The following SLC9B2 variants were observed in gnomAD, a reference collection of about 807,000 sequenced individuals.
The protein encoded by SLC9B2 is sodium/hydrogen exchanger 9B2.
Under a neutral mutation model 52.2 loss-of-function variants are expected in SLC9B2, and 39 were observed. The ratio of observed to expected loss-of-function variants is 0.75; its 90% confidence interval spans 0.58 to 0.98. SLC9B2 has a LOEUF of 0.98. Among genes scored for constraint, SLC9B2 ranks in the 50% least tolerant of loss-of-function variants. The pLI is 0.00. For missense variants in SLC9B2, 626 were observed against 637.5 expected, an observed-to-expected ratio of 0.98 and a Z score of 0.19; for synonymous variants, 214 against 227.0, an observed-to-expected ratio of 0.94 and a Z score of 0.51.
At chr4:103,030,503 T>C (rs1350722158) in intron 10 of SLC9B2, among the ~76,000 whole-genome samples, 2 of 151,914 alleles carry the variant, frequency 1.3e-5, no homozygotes, top group African/African-American at 4.8e-5. Context: ...GGTTGTGTGA[T>C]AGGCAGAAGC....
chr4:103,064,498 GA>G (rs1331828893), intron 3 of SLC9B2, among the ~76,000 whole-genome samples: 1 of 152,146 alleles, frequency 6.6e-6, no homozygotes, highest in African/African-American at 2.4e-5. Flanking sequence ...CTGGGGAGGG[GA>G]GGAGCTTGGG....
At chr4:103,072,273 G>T (rs1033833981) in intron 1 of SLC9B2, among the ~76,000 whole-genome samples, 1 of 151,946 alleles carries the variant, frequency 6.6e-6, no homozygotes, top group Non-Finnish European at 1.5e-5. Flanking sequence ...TGGCCAGGCT[G>T]GTCTCAAACT....
chr4:103,072,380 A>T (rs1441605974), intron 1 of SLC9B2, among the ~76,000 whole-genome samples: 1 of 152,158 alleles, frequency 6.6e-6, no homozygotes. Flanking sequence ...CTTTATGTCA[A>T]ATATCTTTCA....
At chr4:103,069,067 T>C (rs1215212770) in intron 1 of SLC9B2, among the ~76,000 whole-genome samples, 1 of 152,214 alleles carries the variant, frequency 6.6e-6, no homozygotes, top group Non-Finnish European at 1.5e-5. Flanking sequence ...TAAATGTTTA[T>C]ATAATGATAT....
At chr4:103,020,131 A>G (rs921909471), downstream of SLC9B2, 85 of 253,954 alleles carry the variant, frequency 3.3e-4, 1 homozygote, top group African/African-American at 1.9e-3. Flanking sequence ...TTGTCTTCTC[A>G]TCTGTAAAGG....
At chr4:103,035,015 G>A (rs139014616) in intron 9 of SLC9B2, among the ~76,000 whole-genome samples, 1,855 of 152,242 alleles carry the variant, frequency 0.012, 15 homozygotes, top group Non-Finnish European at 0.019. Flanking sequence ...AGGGGCACAT[G>A]TGCAGGTTTG....
chr4:103,065,943 CTG>C (rs774769124), intron 3 of SLC9B2, among the ~76,000 whole-genome samples: 21 of 152,208 alleles, frequency 1.4e-4, no homozygotes, highest in Admixed American at 2.6e-4. Context: ...ATAAATGGGG[CTG>C]TGTTTGCTAA....
intron 3 of SLC9B2, 101 bp from the exon 4 acceptor site, chr4:103,058,072 G>T: frequency 9.1e-7 from 1 of 1,095,418 alleles, no homozygotes. Context: ...GAATGAAAAT[G>T]CAAATATTTA....
chr4:103,070,209 C>A (rs1467455074), intron 1 of SLC9B2, among the ~76,000 whole-genome samples: 3 of 152,230 alleles, frequency 2.0e-5, no homozygotes, highest in African/African-American at 7.2e-5. Context: ...ATGCATGTCT[C>A]ACTTCAGGAA....
At chr4:103,067,021 C>T (rs1441266969) in intron 2 of SLC9B2, among the ~76,000 whole-genome samples, 5 of 151,196 alleles carry the variant, frequency 3.3e-5, no homozygotes, top group African/African-American at 1.2e-4. Context: ...CACTTATAGT[C>T]CCAAGCATTT....
At chr4:103,030,609 T>C (rs1021906534) in intron 10 of SLC9B2, among the ~76,000 whole-genome samples, 1 of 152,060 alleles carries the variant, frequency 6.6e-6, no homozygotes. Flanking sequence ...ACAAGAGAGG[T>C]AGCATGGTAG....
chr4:103,046,710 A>AGTCTCCACACATCTTTTGTGTGAC (rs1234134927), intron 7 of SLC9B2, among the ~76,000 whole-genome samples: 5 of 151,760 alleles, frequency 3.3e-5, no homozygotes, highest in Non-Finnish European at 7.4e-5. Context: ...TTTTGTGTGA[A>AGTCTCCACACATCTTTTGTGTGAC]GTCTCCACAC....
chr4:103,036,072 A>G (rs923778084), intron 9 of SLC9B2, among the ~76,000 whole-genome samples: 36 of 152,198 alleles, frequency 2.4e-4, no homozygotes, highest in Non-Finnish European at 7.3e-5. Context: ...AGGCTAGAGA[A>G]CACAGAAATA....
At chr4:103,053,407 T>C (rs1181419668) in intron 4 of SLC9B2, among the ~76,000 whole-genome samples, 1 of 152,250 alleles carries the variant, frequency 6.6e-6, no homozygotes, top group Admixed American at 6.5e-5. Context: ...AAAAGAATGG[T>C]AAAATACATA....
chr4:103,044,106 T>G lies in SLC9B2; in HGVS notation c.997-661A>C, dbSNP rs577484837. Among the ~76,000 whole-genome samples the G allele has an allele frequency of 3.9e-5, 6 of 152,324 alleles. No individual in the cohort carries two copies. In the South Asian group the frequency reaches 1.2e-3, roughly 32 times the overall value. ...AAGTAGGTCTTTAAAAGTGCTTGAC[T>G]TGGCAAAGGCATGCAAGCTCTGAAG... On this transcript the variant is annotated intron_variant, in intron 8 of 11. Transcript: ENST00000394785.
chr4:103,057,273 T>TATACACACAC (rs1220375909), intron 4 of SLC9B2, among the ~76,000 whole-genome samples: 2 of 143,224 alleles, frequency 1.4e-5, no homozygotes, highest in African/African-American at 5.3e-5. Flanking sequence ...TATATATATA[T>TATACACACAC]ACACACACAC....
intron 4 of SLC9B2, among the ~76,000 whole-genome samples, chr4:103,055,803 CT>C (rs1400053544): frequency 2.2e-3 from 290 of 131,936 alleles, no homozygotes; most frequent in Middle Eastern, 3.9e-3. Context: ...ATGCAGAATT[CT>C]TTTTTTTTTT....
intron 3 of SLC9B2, among the ~76,000 whole-genome samples, chr4:103,061,816 T>G (rs767521874): frequency 1.3e-5 from 2 of 152,202 alleles, no homozygotes; most frequent in Non-Finnish European, 2.9e-5. Context: ...AAACATTTTT[T>G]CAGATGATGT....
At chr4:103,047,283 AATT>A in intron 6 of SLC9B2, 57 bp from the exon 7 acceptor site, 1 of 1,443,068 alleles carries the variant, frequency 6.9e-7, no homozygotes, top group Non-Finnish European at 9.3e-7. Flanking sequence ...ACTATTTTGA[AATT>A]ATAATGCCCT....
Sources: gnomAD v4.1 joint callset for allele counts (sites outside exome capture counted in the v4.1 genomes callset) on GRCh38, gnomAD v4.1.1 for gene constraint, MANE v1.5 for transcripts, NCBI Gene and HGNC (gene_info 2026-07-23, HGNC 2026-07-21) for gene names.